Variants in CAMKMT observed in about 807,000 individuals in gnomAD.
CAMKMT encodes the protein calmodulin-lysine N-methyltransferase.
CAMKMT carries 53 observed loss-of-function variants against 48.0 expected under a neutral mutation model. That is an observed-to-expected ratio of 1.10 (90% CI 0.89 to 1.39). The LOEUF (loss-of-function observed/expected upper bound fraction) is 1.39, where lower values mean the gene tolerates loss of function less well. Among genes scored for constraint, CAMKMT ranks in the 40% most tolerant of loss-of-function variants. CAMKMT has a pLI of 0.00. For synonymous variants in CAMKMT, 165 were observed against 152.3 expected, an observed-to-expected ratio of 1.08 and a Z score of -0.61; for missense variants, 428 against 402.7, an observed-to-expected ratio of 1.06 and a Z score of -0.54.
intron 3 of CAMKMT, among the ~76,000 whole-genome samples, chr2:44,597,987 G>A (rs774460809): frequency 1.2e-4 from 18 of 151,906 alleles, no homozygotes; most frequent in East Asian, 3.9e-4. Context: ...CACCTGCCTC[G>A]GCCTCCCAAA....
chr2:44,528,721 GCTT>G (rs1666306045), intron 3 of CAMKMT, among the ~76,000 whole-genome samples: 2 of 151,918 alleles, frequency 1.3e-5, no homozygotes, highest in African/African-American at 4.8e-5. Context: ...CTTCTCCCTT[GCTT>G]CTTCTTTGTT....
chr2:44,526,486 A>G (rs897029742), intron 3 of CAMKMT, among the ~76,000 whole-genome samples: 6 of 152,190 alleles, frequency 3.9e-5, no homozygotes, highest in African/African-American at 1.4e-4. Context: ...AGCTGGTCAT[A>G]TAGTTCCAGT....
Position 44,754,084 on chromosome 2 carries a change from T to C in CAMKMT, c.728T>C (p.Leu243Pro). The C allele has an allele frequency of 6.2e-7, 1 of 1,614,062 alleles. No homozygotes were observed. The highest frequency in any genetic ancestry group is 8.5e-7 in the Non-Finnish European group (1 of 1,179,920). The change falls in exon 9 of 11, where the codon CTT (leucine) becomes CCT (proline). Residue 243 changes from leucine to proline, a missense_variant. Coordinates refer to ENST00000378494, the MANE Select transcript of CAMKMT (RefSeq NM_024766.5). Reference sequence around the variant, plus strand: ...TTTCTGGACCAGTACAGAGCCAGCCTTGTTGATGCAATAAAGAGATTACTC... The same window carrying C: ...TTTCTGGACCAGTACAGAGCCAGCCCTGTTGATGCAATAAAGAGATTACTC... ...CLFLDQYRAS[L>P]VDAIKRLLQP...
intron 3 of CAMKMT, among the ~76,000 whole-genome samples, chr2:44,619,784 T>A (rs894766928): frequency 1.3e-5 from 2 of 152,218 alleles, no homozygotes; most frequent in African/African-American, 2.4e-5. Flanking sequence ...GGATTTAGAA[T>A]TCTGACCCTA....
chr2:44,695,528 C>G (rs1676892407), intron 3 of CAMKMT, among the ~76,000 whole-genome samples: 1 of 152,056 alleles, frequency 6.6e-6, no homozygotes, highest in South Asian at 2.1e-4. Context: ...GATTCCAGAA[C>G]TGTCCTACAA....
At chr2:44,679,892 G>A (rs1359786913) in intron 3 of CAMKMT, among the ~76,000 whole-genome samples, 3 of 152,176 alleles carry the variant, frequency 2.0e-5, no homozygotes, top group East Asian at 1.9e-4. Context: ...TCCGCTAAGT[G>A]GTTAGTAAAA....
At chr2:44,589,922 A>T (rs556875375) in intron 3 of CAMKMT, among the ~76,000 whole-genome samples, 4 of 87,004 alleles carry the variant, frequency 4.6e-5, no homozygotes, top group African/African-American at 1.7e-4. Flanking sequence ...CGAAAAAAAA[A>T]AAATTTTAAT....
chr2:44,438,853 A>C (rs72877275), intron 3 of CAMKMT, among the ~76,000 whole-genome samples: 2 of 151,500 alleles, frequency 1.3e-5, no homozygotes, highest in African/African-American at 4.9e-5. Context: ...GTTTGCTTCA[A>C]CTCACCCTTG....
At chr2:44,384,996 G>A (rs1680637471) in intron 2 of CAMKMT, among the ~76,000 whole-genome samples, 1 of 152,088 alleles carries the variant, frequency 6.6e-6, no homozygotes, top group African/African-American at 2.4e-5. Context: ...TTTTAGAATT[G>A]TTTTTTCTAA....
At chr2:44,480,237 C>G (rs982544856) in intron 3 of CAMKMT, among the ~76,000 whole-genome samples, 1 of 152,164 alleles carries the variant, frequency 6.6e-6, no homozygotes, top group African/African-American at 2.4e-5. Flanking sequence ...GTACTGTACT[C>G]TTAGAGCAAC....
At chr2:44,371,111 A>T (rs891649974) in intron 1 of CAMKMT, among the ~76,000 whole-genome samples, 1 of 152,072 alleles carries the variant, frequency 6.6e-6, no homozygotes, top group Non-Finnish European at 1.5e-5. Context: ...CAGCCTCCCC[A>T]TCAGCTGGGA....
At chr2:44,505,220 G>A (rs1357074578) in intron 3 of CAMKMT, among the ~76,000 whole-genome samples, 1 of 152,034 alleles carries the variant, frequency 6.6e-6, no homozygotes, top group Non-Finnish European at 1.5e-5. Context: ...TGAAACTAGA[G>A]CACCCACTTT....
chr2:44,581,258 T>G (rs1013846849), intron 3 of CAMKMT, among the ~76,000 whole-genome samples: 1 of 152,216 alleles, frequency 6.6e-6, no homozygotes, highest in Non-Finnish European at 1.5e-5. Flanking sequence ...AACCTTTATG[T>G]ATATAGCTGT....
At chr2:44,629,649 C>T (rs4337522) in intron 3 of CAMKMT, among the ~76,000 whole-genome samples, 55,906 of 151,622 alleles carry the variant, frequency 0.37, 11,955 homozygotes, top group Middle Eastern at 0.55. Flanking sequence ...TTCACAATTG[C>T]TTCAAAGAGA....
intron 3 of CAMKMT, among the ~76,000 whole-genome samples, chr2:44,519,460 T>C (rs1343639178): frequency 6.6e-6 from 1 of 152,218 alleles, no homozygotes; most frequent in Non-Finnish European, 1.5e-5. Context: ...TGAAAGGCCA[T>C]GCAATAAGTG....
At chr2:44,411,673 C>T (rs1483854951) in intron 3 of CAMKMT, among the ~76,000 whole-genome samples, 3 of 152,034 alleles carry the variant, frequency 2.0e-5, no homozygotes, top group African/African-American at 7.2e-5. Context: ...GACAATGTAA[C>T]ATTATTGTCT....
intron 7 of CAMKMT, among the ~76,000 whole-genome samples, chr2:44,739,417 G>A (rs901127516): frequency 1.3e-5 from 2 of 152,194 alleles, no homozygotes; most frequent in Non-Finnish European, 2.9e-5. Flanking sequence ...TTTGGCCTGA[G>A]CAACTGGAAA....
At chr2:44,423,985 G>T (rs1207837646) in intron 3 of CAMKMT, among the ~76,000 whole-genome samples, 1 of 152,098 alleles carries the variant, frequency 6.6e-6, no homozygotes, top group Admixed American at 6.5e-5. Context: ...ATGTATGTGG[G>T]TGTGTATGTA....
chr2:44,420,212 G>A (rs1683837540), intron 3 of CAMKMT, among the ~76,000 whole-genome samples: 1 of 152,070 alleles, frequency 6.6e-6, no homozygotes, highest in Non-Finnish European at 1.5e-5. Flanking sequence ...AAATAAAAAG[G>A]TGACATGTTA....
Sources: allele counts gnomAD v4.1 joint callset (sites outside exome capture counted in the v4.1 genomes callset), GRCh38; gene constraint gnomAD v4.1.1; transcripts MANE v1.5; gene names NCBI Gene and HGNC (gene_info 2026-07-23, HGNC 2026-07-21).